Variants in TENT4A observed in about 807,000 individuals in gnomAD.
TENT4A encodes the protein DNA polymerase kappa.
Under a neutral mutation model 72.8 loss-of-function variants are expected in TENT4A, and 7 were observed. That is an observed-to-expected ratio of 0.10 (90% CI 0.05 to 0.18). The LOEUF (loss-of-function observed/expected upper bound fraction) is 0.18. TENT4A is among the 10% of genes least tolerant of loss of function. The pLI is 1.00. For synonymous variants in TENT4A, 456 were observed against 434.3 expected (o/e 1.05, Z -0.62); for missense variants, 831 against 1,017.7 (o/e 0.82, Z 2.50).
rs756026173 is a variant in TENT4A, at chr5:6,742,572, C to T, written c.1091C>T (p.Ala364Val). The change falls in exon 5 of 13, where the codon GCG (alanine) becomes GTG (valine). Residue 364 changes from alanine to valine, a missense_variant. By Grantham distance (64) the Ala-to-Val change is moderately conservative (BLOSUM62 0). Coordinates refer to ENST00000230859, the MANE Select transcript of TENT4A (RefSeq NM_006999.6). ...AACATGGAGACGGGCGTCCGGGCAG[C>T]GGAGTTCATCAAGAATTACATGAAG... ...SFNMETGVRAAEFIKNYMKKY... is the reference protein window; with the variant it reads ...SFNMETGVRAVEFIKNYMKKY... 8 of 1,611,198 alleles carry T rather than the reference C, an allele frequency of 5.0e-6. No homozygotes were observed. The highest frequency in any genetic ancestry group is 6.8e-6 in the Non-Finnish European group (8 of 1,177,464).
intron 1 of TENT4A, among the ~76,000 whole-genome samples, chr5:6,720,630 C>T (rs1027363141): frequency 1.1e-4 from 16 of 151,612 alleles, no homozygotes; most frequent in African/African-American, 3.6e-4. Context: ...GAGCCGAGAT[C>T]GCACCACAGC....
At chr5:6,740,812 A>C (rs1741762076) in intron 4 of TENT4A, among the ~76,000 whole-genome samples, 1 of 152,206 alleles carries the variant, frequency 6.6e-6, no homozygotes, top group South Asian at 2.1e-4. Flanking sequence ...TCTCATTAGC[A>C]CGAGACAAGC....
chr5:6,747,422 T>C (rs1742164623), intron 7 of TENT4A, among the ~76,000 whole-genome samples: 1 of 152,198 alleles, frequency 6.6e-6, no homozygotes, highest in African/African-American at 2.4e-5. Flanking sequence ...CTCCTATACA[T>C]TTAAAAAAAC....
At chr5:6,739,664 T>C in intron 3 of TENT4A, 68 bp from the exon 4 acceptor site, 4 of 1,584,018 alleles carry the variant, frequency 2.5e-6, no homozygotes, top group Non-Finnish European at 3.5e-6. Context: ...TTGGTGCTTA[T>C]CCTCCCCACA....
chr5:6,719,177 A>G (rs1201244449), intron 1 of TENT4A, among the ~76,000 whole-genome samples: 1 of 152,148 alleles, frequency 6.6e-6, no homozygotes, highest in Non-Finnish European at 1.5e-5. Context: ...TTGTGTCTCA[A>G]GGTAAAGTCT....
At chr5:6,748,301 G>A (rs559104085) in intron 7 of TENT4A, among the ~76,000 whole-genome samples, 163 bp from the exon 8 acceptor site, 31 of 152,328 alleles carry the variant, frequency 2.0e-4, no homozygotes, top group African/African-American at 5.3e-4. Flanking sequence ...AGTGCCAAGT[G>A]CCACCCGTGC....
chr5:6,729,532 C>T (rs1038531290), intron 1 of TENT4A, among the ~76,000 whole-genome samples: 3 of 152,260 alleles, frequency 2.0e-5, no homozygotes, highest in Non-Finnish European at 2.9e-5. Context: ...GGCGCAGTCA[C>T]GCAGTTTCAC....
At chr5:6,751,459 A>G (rs976173119) in intron 11 of TENT4A, 2 of 313,484 alleles carry the variant, frequency 6.4e-6, no homozygotes, top group South Asian at 9.3e-5. Flanking sequence ...CCTTCCTGCA[A>G]GTTTCCTCAC....
chr5:6,750,561 T>C (rs955002643), intron 10 of TENT4A, 58 bp downstream of exon 10: 1 of 1,432,964 alleles, frequency 7.0e-7, no homozygotes, highest in African/African-American at 1.5e-5. Context: ...CTGGTAAATG[T>C]CCATAGCCGC....
chr5:6,750,858 G>A, intron 10 of TENT4A, 181 bp from the exon 11 acceptor site: 1 of 613,462 alleles, frequency 1.6e-6, no homozygotes, highest in Non-Finnish European at 2.9e-6. Flanking sequence ...TTTTTCAGTT[G>A]TGATGAAATT....
At position 6,742,540 on chromosome 5, in the gene TENT4A, C is replaced by A. The variant is rs569206136; in HGVS notation, c.1059C>A (p.Ile353=). 6.2e-7 allele frequency: 1 copy of A among 1,613,566 alleles called. No individual in the cohort carries two copies. The highest frequency in any genetic ancestry group is 1.3e-5 in the African/African-American group (1 of 75,026). ...AGGAGACTGAAGTGAAAGTTGACAT[C>A]AGCTTTAACATGGAGACGGGCGTCC... The part of the protein sequence containing the change: ...TDQETEVKVD[I]SFNMETGVRA... Residue 353 remains isoleucine (I), a synonymous_variant, in exon 5 of 13, where the codon ATC becomes ATA. Coordinates refer to ENST00000230859, the MANE Select transcript of TENT4A (RefSeq NM_006999.6).
intron 1 of TENT4A, among the ~76,000 whole-genome samples, chr5:6,723,575 C>T (rs1268237460): frequency 2.6e-5 from 4 of 152,238 alleles, no homozygotes; most frequent in African/African-American, 9.6e-5. Context: ...TCACGGCTGA[C>T]ATCTGGGCAC....
chr5:6,743,659 T>A, intron 5 of TENT4A, 53 bp from the exon 6 acceptor site: 2 of 1,403,170 alleles, frequency 1.4e-6, no homozygotes, highest in Non-Finnish European at 2.0e-6. Flanking sequence ...ATGTGAAATC[T>A]CTTTGAAAGT....
intron 1 of TENT4A, among the ~76,000 whole-genome samples, chr5:6,732,734 C>T (rs1340902310): frequency 1.3e-5 from 2 of 152,078 alleles, no homozygotes; most frequent in Admixed American, 1.3e-4. Context: ...TAAAAATTCA[C>T]TAAAAAAAAC....
At chr5:6,733,958 ACAAAT>A (rs1213816167) in intron 1 of TENT4A, among the ~76,000 whole-genome samples, 1 of 152,254 alleles carries the variant, frequency 6.6e-6, no homozygotes, top group Non-Finnish European at 1.5e-5. Context: ...GTTTCTGCTA[ACAAAT>A]CAAATTATTC....
intron 1 of TENT4A, among the ~76,000 whole-genome samples, chr5:6,728,488 A>G (rs997457675): frequency 1.3e-5 from 2 of 152,126 alleles, no homozygotes; most frequent in Non-Finnish European, 2.9e-5. Flanking sequence ...TCGGACTTGT[A>G]GGATAGCTTT....
intron 1 of TENT4A, among the ~76,000 whole-genome samples, chr5:6,724,625 G>T (rs60339388): frequency 0.023 from 3,434 of 152,268 alleles, 97 homozygotes; most frequent in African/African-American, 0.068. Flanking sequence ...ATGAAAGCAT[G>T]GAATGAACTG....
At chr5:6,735,891 G>C (rs944044406) in intron 1 of TENT4A, among the ~76,000 whole-genome samples, 2 of 151,874 alleles carry the variant, frequency 1.3e-5, no homozygotes, top group Non-Finnish European at 2.9e-5. Flanking sequence ...TTTCTGAGTA[G>C]CTGGGACTAC....
chr5:6,749,695 G>A, intron 9 of TENT4A, 38 bp downstream of exon 9: 1 of 1,331,750 alleles, frequency 7.5e-7, no homozygotes, highest in Non-Finnish European at 1.1e-6. Context: ...CCTAACCACT[G>A]GCTGGCATGT....
Sources: allele counts gnomAD v4.1 joint callset (sites outside exome capture counted in the v4.1 genomes callset), GRCh38; gene constraint gnomAD v4.1.1; transcripts MANE v1.5; gene names NCBI Gene and HGNC (gene_info 2026-07-23, HGNC 2026-07-21).